Variants in STARD13 observed in about 807,000 individuals in gnomAD.
STARD13 encodes StAR related lipid transfer domain containing 13.
A neutral mutation model predicts 106.4 loss-of-function variants in STARD13; 62 were observed. That is an observed-to-expected ratio of 0.58 (90% CI 0.48 to 0.72). The LOEUF (loss-of-function observed/expected upper bound fraction) is 0.72, where lower values mean the gene tolerates loss of function less well. STARD13 is among the 30% of genes least tolerant of loss of function. The pLI is 0.00. For missense variants in STARD13, 1,387 were observed against 1,424.0 expected (o/e 0.97, Z 0.42); for synonymous variants, 565 against 553.0 (o/e 1.02, Z -0.31).
At chr13:33,151,199 G>A (rs2138279837) in intron 3 of STARD13, among the ~76,000 whole-genome samples, 1 of 152,284 alleles carries the variant, frequency 6.6e-6, no homozygotes, top group Admixed American at 6.5e-5. Flanking sequence ...GAAAAGGGGT[G>A]TTAGTCTGTT....
intron 1 of STARD13, among the ~76,000 whole-genome samples, chr13:33,270,580 G>C (rs1183400361): frequency 3.3e-5 from 5 of 152,100 alleles, no homozygotes; most frequent in East Asian, 1.9e-4. Flanking sequence ...GGCATGAGAG[G>C]TTAACAAAAA....
chr13:33,163,603 AAAAT>A (rs1265034593), intron 3 of STARD13, among the ~76,000 whole-genome samples: 7,212 of 126,498 alleles, frequency 0.057, 371 homozygotes, highest in East Asian at 0.2. Context: ...AAAAAAAAAA[AAAAT>A]ATATATATAT....
At chr13:33,413,871 A>G in the STARD13 span, among the ~76,000 whole-genome samples, 1 of 151,948 alleles carries the variant, frequency 6.6e-6, no homozygotes, top group Non-Finnish European at 1.5e-5. Context: ...CATCTCTACC[A>G]AAAATACAAT....
intron 4 of STARD13, among the ~76,000 whole-genome samples, chr13:33,139,116 A>G (rs1053835988): frequency 6.6e-6 from 1 of 152,262 alleles, no homozygotes; most frequent in Non-Finnish European, 1.5e-5. Context: ...GATGGCAAGA[A>G]CCATGCCTCT....
chr13:33,333,340 A>G (rs945820340), intron 1 of STARD13, among the ~76,000 whole-genome samples: 2 of 152,200 alleles, frequency 1.3e-5, no homozygotes, highest in African/African-American at 2.4e-5. Flanking sequence ...GTGAGCCAAG[A>G]TCATGCCACT....
the STARD13 span, among the ~76,000 whole-genome samples, chr13:33,508,774 C>T: frequency 6.6e-6 from 1 of 152,168 alleles, no homozygotes; most frequent in Non-Finnish European, 1.5e-5. Context: ...ACAGCAGGAA[C>T]AAATTCCGAG....
chr13:33,265,650 T>C (rs1476801309), intron 1 of STARD13, among the ~76,000 whole-genome samples: 1 of 152,156 alleles, frequency 6.6e-6, no homozygotes, highest in Non-Finnish European at 1.5e-5. Flanking sequence ...GCCACTCATA[T>C]TAAATTCATT....
At chr13:33,289,955 G>C (rs1270200082), upstream of STARD13, among the ~76,000 whole-genome samples, 1 of 150,372 alleles carries the variant, frequency 6.7e-6, no homozygotes. Flanking sequence ...GGCTAATGCT[G>C]CGTATGCCTT....
the STARD13 span, among the ~76,000 whole-genome samples, chr13:33,470,129 A>G: frequency 2.0e-5 from 3 of 152,038 alleles, no homozygotes; most frequent in African/African-American, 4.8e-5. Flanking sequence ...ACTCCCATTT[A>G]TGAGTAAGAA....
intron 3 of STARD13, among the ~76,000 whole-genome samples, chr13:33,161,960 G>A (rs554895866): frequency 1.3e-5 from 2 of 152,250 alleles, no homozygotes; most frequent in South Asian, 2.1e-4. Context: ...CAGTATGGGG[G>A]AAACTGCCCC....
At chr13:33,656,447 T>C in the STARD13 span, among the ~76,000 whole-genome samples, 9,694 of 152,278 alleles carry the variant, frequency 0.064, 1,067 homozygotes, top group African/African-American at 0.22. Context: ...GCCTTAAAAA[T>C]ATTGTAAAAA....
At chr13:33,297,630 A>C (rs866087228) in intron 1 of STARD13, among the ~76,000 whole-genome samples, 7 of 152,264 alleles carry the variant, frequency 4.6e-5, no homozygotes, top group Non-Finnish European at 5.9e-5. Flanking sequence ...ATGCTAAAGA[A>C]AAGTTTAGAA....
At chr13:33,568,323 G>A in the STARD13 span, among the ~76,000 whole-genome samples, 1 of 147,884 alleles carries the variant, frequency 6.8e-6, no homozygotes, top group Non-Finnish European at 1.5e-5. Flanking sequence ...AAATGCTCAC[G>A]ATGCTTGGGT....
the STARD13 span, among the ~76,000 whole-genome samples, chr13:33,613,624 T>TTGGTCTGGAAGCTTGAGGGC: frequency 5.9e-5 from 9 of 152,160 alleles, no homozygotes; most frequent in Admixed American, 3.3e-4. Context: ...CCAAGCACCA[T>TTGGTCTGGAAGCTTGAGGGC]TGGTCTGGAA....
chr13:33,147,579 A>T (rs1028285458), intron 3 of STARD13, among the ~76,000 whole-genome samples: 2 of 152,248 alleles, frequency 1.3e-5, no homozygotes, highest in African/African-American at 2.4e-5. Flanking sequence ...AGTTCCAGAT[A>T]TTCATTAAAC....
chr13:33,576,832 T>C, the STARD13 span, among the ~76,000 whole-genome samples: 1 of 152,216 alleles, frequency 6.6e-6, no homozygotes, highest in African/African-American at 2.4e-5. Flanking sequence ...CAAACCTTAA[T>C]ACAGTTTGAT....
intron 5 of STARD13, 123 bp downstream of exon 5, chr13:33,128,806 T>G: frequency 1.1e-6 from 1 of 948,908 alleles, no homozygotes; most frequent in Non-Finnish European, 1.6e-6. Flanking sequence ...CCTAATCACA[T>G]ACATCACTTA....
chr13:33,174,684 A>G (rs1314832205), intron 1 of STARD13, among the ~76,000 whole-genome samples: 1 of 152,224 alleles, frequency 6.6e-6, no homozygotes, highest in Non-Finnish European at 1.5e-5. Flanking sequence ...CAATTTGTTC[A>G]AGTGGCATAA....
At chr13:33,113,116 A>T in intron 8 of STARD13, 185 bp from the exon 9 acceptor site, 1 of 555,640 alleles carries the variant, frequency 1.8e-6, no homozygotes, top group Non-Finnish European at 3.2e-6. Context: ...AGCTCATGGG[A>T]GGCAGAGCTG....
Sources: gnomAD v4.1 joint callset for allele counts (sites outside exome capture counted in the v4.1 genomes callset) on GRCh38, gnomAD v4.1.1 for gene constraint, MANE v1.5 for transcripts, NCBI Gene and HGNC (gene_info 2026-07-23, HGNC 2026-07-21) for gene names.